Variants in TRPM3 observed in about 807,000 individuals in gnomAD.
The protein encoded by TRPM3 is long transient receptor potential channel 3.
Under a neutral mutation model 181.2 loss-of-function variants are expected in TRPM3, and 77 were observed. That is an observed-to-expected ratio of 0.42 (90% CI 0.35 to 0.51). The LOEUF is 0.51. Ranked by LOEUF, TRPM3 falls within the 20% of genes least tolerant of loss-of-function variation. The pLI is 0.01. For missense variants in TRPM3, 1,759 were observed against 2,196.7 expected, an observed-to-expected ratio of 0.80 and a Z score of 3.98; for synonymous variants, 745 against 796.4, an observed-to-expected ratio of 0.94 and a Z score of 1.09.
intron 9 of TRPM3, among the ~76,000 whole-genome samples, chr9:70,655,280 TG>T (rs1189091463): frequency 7.3e-5 from 8 of 110,086 alleles, no homozygotes; most frequent in Non-Finnish European, 1.3e-4. Context: ...AACTCCAGCC[TG>T]GGCGAAAGAG....
intron 1 of TRPM3, among the ~76,000 whole-genome samples, chr9:71,149,758 G>T (rs1484163271): frequency 6.6e-6 from 1 of 152,106 alleles, no homozygotes; most frequent in African/African-American, 2.4e-5. Context: ...TGGATCACTG[G>T]AGCCCAGGAA....
At chr9:71,147,776 C>T (rs1257235981) in intron 1 of TRPM3, among the ~76,000 whole-genome samples, 2 of 152,130 alleles carry the variant, frequency 1.3e-5, no homozygotes, top group African/African-American at 4.8e-5. Context: ...AAAATGCTGC[C>T]TCTGGACAAA....
chr9:71,167,921 C>A (rs2076617509), intron 1 of TRPM3, among the ~76,000 whole-genome samples: 1 of 151,996 alleles, frequency 6.6e-6, no homozygotes, highest in Non-Finnish European at 1.5e-5. Context: ...TTTATAATGC[C>A]AATAGCTGTA....
intron 1 of TRPM3, among the ~76,000 whole-genome samples, chr9:70,996,038 G>A (rs2097538632): frequency 6.6e-6 from 1 of 152,148 alleles, no homozygotes; most frequent in South Asian, 2.1e-4. Flanking sequence ...AACAGCTGAA[G>A]GGCAATTACT....
At chr9:71,446,719 C>T (rs771752701) in exon 1 of TRPM3, 35 of 1,550,476 alleles carry the variant, frequency 2.3e-5, no homozygotes, top group Non-Finnish European at 3.1e-5. Flanking sequence ...ACCTTTTCCA[C>T]GACTCGGCAA....
chr9:70,554,066 G>A (rs1024431679), intron 22 of TRPM3, among the ~76,000 whole-genome samples: 1 of 150,882 alleles, frequency 6.6e-6, no homozygotes, highest in African/African-American at 2.4e-5. Flanking sequence ...TGGGCAAATG[G>A]GGGGAAAAAA....
intron 22 of TRPM3, among the ~76,000 whole-genome samples, chr9:70,574,462 C>G (rs2053389656): frequency 6.6e-6 from 1 of 152,184 alleles, no homozygotes; most frequent in Non-Finnish European, 1.5e-5. Context: ...TTGAAAGTCA[C>G]TTCCTCAGAG....
intron 3 of TRPM3, among the ~76,000 whole-genome samples, chr9:70,848,137 A>T (rs972405495): frequency 6.6e-6 from 1 of 152,226 alleles, no homozygotes; most frequent in African/African-American, 2.4e-5. Context: ...ACTGAGTATA[A>T]GAGTCAGGAG....
intron 3 of TRPM3, among the ~76,000 whole-genome samples, chr9:70,862,066 T>C (rs952476655): frequency 2.6e-5 from 4 of 152,050 alleles, no homozygotes; most frequent in African/African-American, 9.7e-5. Context: ...TTGTGGTCTG[T>C]AGTATGCTTC....
At chr9:71,382,425 C>T (rs543440930) in intron 1 of TRPM3, among the ~76,000 whole-genome samples, 2 of 152,176 alleles carry the variant, frequency 1.3e-5, no homozygotes, top group South Asian at 4.1e-4. Context: ...CTAAATCATG[C>T]TATTGGAAAA....
chr9:70,906,721 G>A (rs1413441752), intron 1 of TRPM3, among the ~76,000 whole-genome samples: 1 of 152,130 alleles, frequency 6.6e-6, no homozygotes, highest in Non-Finnish European at 1.5e-5. Context: ...TGGCCAACGT[G>A]GTGAAACCCA....
At chr9:71,142,638 G>C (rs1389273124) in intron 1 of TRPM3, among the ~76,000 whole-genome samples, 2 of 151,956 alleles carry the variant, frequency 1.3e-5, no homozygotes, top group Non-Finnish European at 2.9e-5. Context: ...ATGCTAATTT[G>C]AACACATTAA....
intron 1 of TRPM3, among the ~76,000 whole-genome samples, chr9:71,181,917 C>T (rs1401840829): frequency 6.6e-6 from 1 of 152,084 alleles, no homozygotes; most frequent in Non-Finnish European, 1.5e-5. Flanking sequence ...AACACAAATT[C>T]CTGGGCCACT....
intron 1 of TRPM3, among the ~76,000 whole-genome samples, chr9:71,293,776 C>T (rs1037512999): frequency 6.6e-6 from 1 of 151,730 alleles, no homozygotes; most frequent in African/African-American, 2.4e-5. Flanking sequence ...AAAATATATC[C>T]CTACCAGTTA....
At chr9:70,933,691 G>A (rs543250519) in intron 1 of TRPM3, among the ~76,000 whole-genome samples, 15 of 152,092 alleles carry the variant, frequency 9.9e-5, no homozygotes, top group African/African-American at 3.1e-4. Flanking sequence ...GGGGATATAA[G>A]ACCTAAAAAG....
In TRPM3 at chr9:70,848,172, C is replaced by T. The variant is rs955290469; in HGVS notation, c.463-1581G>A. Among the ~76,000 whole-genome samples the T allele has an allele frequency of 2.2e-4, 33 of 151,774 alleles. 1 individual carries two copies. The highest frequency in any genetic ancestry group is 2.2e-4 in the Non-Finnish European group (15 of 67,980). ...GTAAGAAACTAAAAAATGACATATA[C>T]GTGCATATATATACATCTGAAAAGA... is the stretch of plus-strand genomic sequence containing the variant. On this transcript the variant is annotated intron_variant, in intron 3 of 25. Transcript: ENST00000677713.
intron 1 of TRPM3, among the ~76,000 whole-genome samples, chr9:70,990,615 G>A (rs2097471863): frequency 6.6e-6 from 1 of 151,860 alleles, no homozygotes; most frequent in Non-Finnish European, 1.5e-5. Context: ...CTCAGTCCTG[G>A]GCTATTTTAT....
Position 71,358,011 on chromosome 9 carries a change from G to A in TRPM3, c.183+88642C>T, listed in dbSNP as rs555665820. 4.3e-4 allele frequency among the ~76,000 whole-genome samples: 66 copies of A among 152,296 alleles called. 1 individual carries two copies. In the South Asian group the frequency reaches 0.013, roughly 30 times the overall value. Reference sequence around the variant, plus strand: ...AGGGCCTTGGGGAGTAGGAAAAAGTGTAGAAATGAGTGAACAATATGGCGA... The same window carrying A: ...AGGGCCTTGGGGAGTAGGAAAAAGTATAGAAATGAGTGAACAATATGGCGA... On this transcript the variant is annotated intron_variant, in intron 1 of 24. Coordinates refer to the TRPM3 transcript ENST00000357533.
At chr9:70,661,458 G>T (rs1383961502) in intron 9 of TRPM3, among the ~76,000 whole-genome samples, 2 of 152,012 alleles carry the variant, frequency 1.3e-5, no homozygotes, top group Non-Finnish European at 2.9e-5. Context: ...ACAAGAGAAA[G>T]AAATGAAAGG....
Sources: allele counts gnomAD v4.1 joint callset (sites outside exome capture counted in the v4.1 genomes callset), GRCh38; gene constraint gnomAD v4.1.1; transcripts MANE v1.5; gene names NCBI Gene and HGNC (gene_info 2026-07-23, HGNC 2026-07-21).